The following TNN variants were observed in gnomAD, a reference collection of about 807,000 sequenced individuals.
The protein encoded by TNN is tenascin-N.
A neutral mutation model predicts 134.4 loss-of-function variants in TNN; 122 were observed. That is an observed-to-expected ratio of 0.91 (90% confidence interval 0.78 to 1.06). The LOEUF is 1.06. Among genes scored for constraint, TNN ranks in the 50% least tolerant of loss-of-function variants. The probability of loss-of-function intolerance (pLI) is 0.00; values close to 1 mark genes in which losing one functional copy is unlikely to be tolerated. For synonymous variants in TNN, 710 were observed against 670.3 expected (o/e 1.06, Z -0.91); for missense variants, 1,739 against 1,699.4 (o/e 1.02, Z -0.41).
intron 13 of TNN, among the ~76,000 whole-genome samples, chr1:175,127,338 T>C (rs1360778764): frequency 6.6e-6 from 1 of 152,210 alleles, no homozygotes; most frequent in African/African-American, 2.4e-5. Flanking sequence ...ATGGTAGGTG[T>C]TCGATATATA....
intron 15 of TNN, among the ~76,000 whole-genome samples, chr1:175,132,843 G>C (rs944455116): frequency 5.9e-5 from 9 of 152,240 alleles, no homozygotes; most frequent in African/African-American, 2.2e-4. Flanking sequence ...AGTTAAATAT[G>C]CACTCCCATG....
chr1:175,069,803 C>A (rs1254201466), intron 1 of TNN, among the ~76,000 whole-genome samples: 1 of 152,210 alleles, frequency 6.6e-6, no homozygotes, highest in Non-Finnish European at 1.5e-5. Flanking sequence ...TGAATCTGTA[C>A]CCAGCGAGTG....
At chr1:175,079,907 T>C (rs1263743084) in intron 3 of TNN, among the ~76,000 whole-genome samples, 200 bp downstream of exon 3, 1 of 152,178 alleles carries the variant, frequency 6.6e-6, no homozygotes, top group Non-Finnish European at 1.5e-5. Context: ...ATGCTGATGC[T>C]GCTGGTTAGA....
chr1:175,077,440 C>G lies in TNN; in HGVS notation c.22C>G (p.Arg8Gly). Residue 8 changes from arginine to glycine, a missense_variant, in exon 2 of 19, where the codon CGC becomes GGC. Transcript: ENST00000239462. MSLQEMF[R>G]FPMGLLLGSV... The stretch of plus-strand genomic sequence containing the variant: ...AAGGATGAGTCTCCAGGAGATGTTC[C>G]GCTTCCCTATGGGGCTCCTGCTTGG... The G allele has an allele frequency of 6.2e-7, 1 of 1,613,398 alleles. No homozygotes were observed. The highest frequency in any genetic ancestry group is 1.1e-5 in the South Asian group (1 of 91,040).
At chr1:175,145,569 A>AAAAAAAAAAAAAAAAAAAAC (rs1558378521) in intron 18 of TNN, among the ~76,000 whole-genome samples, 1 of 148,764 alleles carries the variant, frequency 6.7e-6, no homozygotes, top group Non-Finnish European at 1.5e-5. Context: ...AAAAAAAAAA[A>AAAAAAAAAAAAAAAAAAAAC]AAAAAAGCTG....
intron 9 of TNN, among the ~76,000 whole-genome samples, chr1:175,104,215 G>C (rs1486938827): frequency 4.8e-5 from 7 of 145,874 alleles, no homozygotes; most frequent in Admixed American, 2.8e-4. Context: ...TAGGACAGGA[G>C]ATTAACACTG....
At chr1:175,133,164 A>G (rs777625616) in intron 15 of TNN, among the ~76,000 whole-genome samples, 7 of 152,212 alleles carry the variant, frequency 4.6e-5, no homozygotes, top group Non-Finnish European at 1.0e-4. Context: ...AATTAGATGT[A>G]TTATCAATTC....
At chr1:175,130,234 A>C (rs79101197) in intron 15 of TNN, among the ~76,000 whole-genome samples, 4,254 of 152,300 alleles carry the variant, frequency 0.028, 108 homozygotes, top group Middle Eastern at 0.048. Flanking sequence ...ATTCATTTAC[A>C]CATTCACTCA....
chr1:175,136,016 G>C, intron 16 of TNN, 75 bp downstream of exon 16: 2 of 1,121,800 alleles, frequency 1.8e-6, no homozygotes, highest in Non-Finnish European at 2.7e-6. Flanking sequence ...AGGAGGCTTA[G>C]GGAAGCTCAC....
intron 6 of TNN, among the ~76,000 whole-genome samples, chr1:175,089,973 G>A (rs1674404680): frequency 6.6e-6 from 1 of 152,166 alleles, no homozygotes; most frequent in Non-Finnish European, 1.5e-5. Context: ...CTCATACACA[G>A]CCACCAACAC....
intron 9 of TNN, among the ~76,000 whole-genome samples, chr1:175,109,362 A>T (rs976997842): frequency 6.6e-6 from 1 of 151,606 alleles, no homozygotes; most frequent in Non-Finnish European, 1.5e-5. Flanking sequence ...TGCTGGGATT[A>T]CAGGCGTGAG....
At chr1:175,142,399 T>A (rs1675961735) in intron 17 of TNN, among the ~76,000 whole-genome samples, 1 of 152,200 alleles carries the variant, frequency 6.6e-6, no homozygotes, top group South Asian at 2.1e-4. Flanking sequence ...AAGGACCTTC[T>A]TATTTTTGTG....
intron 17 of TNN, among the ~76,000 whole-genome samples, chr1:175,143,518 GGTGT>G (rs149081442): frequency 1.3e-5 from 2 of 148,640 alleles, no homozygotes; most frequent in Non-Finnish European, 3.0e-5. Flanking sequence ...TTTGTGTGTA[GGTGT>G]GTGTGTGTGT....
intron 10 of TNN, 112 bp downstream of exon 10, chr1:175,117,317 G>A: frequency 6.5e-7 from 1 of 1,547,226 alleles, no homozygotes. Flanking sequence ...ATGGAAGAGT[G>A]GGATGGCATC....
chr1:175,101,195 A>T (rs568222479), intron 9 of TNN, among the ~76,000 whole-genome samples: 18 of 151,924 alleles, frequency 1.2e-4, no homozygotes, highest in East Asian at 7.7e-4. Context: ...TGTGATGTTC[A>T]GATGTGTTCG....
At chr1:175,103,303 C>T (rs906465870) in intron 9 of TNN, among the ~76,000 whole-genome samples, 7 of 146,118 alleles carry the variant, frequency 4.8e-5, no homozygotes, top group Non-Finnish European at 6.1e-5. Context: ...ATACTATCCC[C>T]GACTGGTTAG....
rs1458179350 is a variant in TNN, at chr1:175,147,974, T to G, written c.*903T>G. ...GATCAGATCCTTTTTGCTTATTTTC[T>G]ATCACTTTGGAGGGTTTTCTGTAGC... On this transcript the variant is annotated 3_prime_UTR_variant, in exon 19 of 19. Transcript: ENST00000239462. The G allele has an allele frequency of 2.6e-5, 4 of 152,198 alleles. No homozygotes were observed. Among genetic ancestry groups the G allele is most frequent in the African/African-American group, 9.7e-5 (4 of 41,450 alleles). The allele number at this position is 152,198 out of a possible 1,614,324, so 9.4% of individuals were successfully genotyped here.
intron 9 of TNN, among the ~76,000 whole-genome samples, chr1:175,098,861 A>G (rs1208069451): frequency 6.6e-6 from 1 of 152,136 alleles, no homozygotes; most frequent in Admixed American, 6.5e-5. Flanking sequence ...TGTCATTAAC[A>G]CACTAACTGC....
chr1:175,121,701 GGAT>G (rs75359169), intron 11 of TNN, among the ~76,000 whole-genome samples: 93,464 of 151,508 alleles, frequency 0.62, 28,827 homozygotes, highest in Admixed American at 0.64. Context: ...TTTGAGGTAT[GGAT>G]GATAATACCT....
Sources: allele counts gnomAD v4.1 joint callset (sites outside exome capture counted in the v4.1 genomes callset), GRCh38; gene constraint gnomAD v4.1.1; transcripts MANE v1.5; gene names NCBI Gene and HGNC (gene_info 2026-07-23, HGNC 2026-07-21).